Variants in GRIK2 observed in about 807,000 individuals in gnomAD.
GRIK2 encodes the protein glutamate ionotropic receptor kainate type subunit 2, also known as glutamate receptor ionotropic, kainate 2.
A neutral mutation model predicts 100.3 loss-of-function variants in GRIK2; 32 were observed. The observed-to-expected ratio is 0.32, with a 90% confidence interval of 0.24 to 0.43. The LOEUF (loss-of-function observed/expected upper bound fraction) is 0.43, where lower values mean the gene tolerates loss of function less well. Among genes scored for constraint, GRIK2 ranks in the 20% least tolerant of loss-of-function variants. The pLI is 1.00. For synonymous variants in GRIK2, 417 were observed against 389.4 expected, an observed-to-expected ratio of 1.07 and a Z score of -0.83; for missense variants, 843 against 1,114.9, an observed-to-expected ratio of 0.76 and a Z score of 3.47.
chr6:101,615,776 C>T (rs186302382), intron 2 of GRIK2, among the ~76,000 whole-genome samples: 92 of 151,798 alleles, frequency 6.1e-4, no homozygotes, highest in African/African-American at 1.7e-3. Context: ...AACAATTATC[C>T]TTTTGCAGGC....
At chr6:101,599,786 T>A (rs1317191412) in intron 2 of GRIK2, among the ~76,000 whole-genome samples, 1 of 151,768 alleles carries the variant, frequency 6.6e-6, no homozygotes, top group African/African-American at 2.4e-5. Flanking sequence ...AGGCTTCTTA[T>A]AGATTTTGGA....
At chr6:101,964,952 G>A (rs1027685951) in intron 14 of GRIK2, among the ~76,000 whole-genome samples, 2 of 151,552 alleles carry the variant, frequency 1.3e-5, no homozygotes, top group Admixed American at 1.3e-4. Context: ...TTAAGTTTGC[G>A]GGAAAATACC....
intron 2 of GRIK2, among the ~76,000 whole-genome samples, chr6:101,574,608 T>G (rs1375773502): frequency 1.3e-5 from 2 of 151,488 alleles, no homozygotes; most frequent in Non-Finnish European, 3.0e-5. Flanking sequence ...TTCTCATCTC[T>G]GTGTTTTCGG....
chr6:101,466,661 C>A (rs1316238960), intron 2 of GRIK2, among the ~76,000 whole-genome samples: 1 of 150,276 alleles, frequency 6.7e-6, no homozygotes, highest in Non-Finnish European at 1.5e-5. Context: ...TTCATTCATT[C>A]TTTTTTCAGG....
chr6:101,431,849 A>G (rs528934607), intron 2 of GRIK2, among the ~76,000 whole-genome samples: 62 of 152,286 alleles, frequency 4.1e-4, no homozygotes, highest in Admixed American at 1.5e-3. Context: ...CCATGATAAC[A>G]TCACCCATTT....
intron 4 of GRIK2, among the ~76,000 whole-genome samples, chr6:101,655,678 A>G (rs1018672327): frequency 2.6e-5 from 4 of 152,300 alleles, no homozygotes; most frequent in Admixed American, 6.5e-5. Context: ...GTAGAATAAA[A>G]CACAATGGAC....
intron 2 of GRIK2, chr6:101,431,191 G>C (rs1023565580): frequency 9.6e-6 from 2 of 209,104 alleles, no homozygotes; most frequent in Admixed American, 9.9e-5. Context: ...TCATTGCAGA[G>C]GGTATGATGC....
At position 101,910,769 on chromosome 6, in the gene GRIK2, T is replaced by C. The variant is rs1470893615; in HGVS notation, c.1749-13832T>C. Among the ~76,000 whole-genome samples the C allele has an allele frequency of 2.7e-5, 4 of 150,088 alleles. 1 individual carries two copies. Among genetic ancestry groups the C allele is most frequent in the East Asian group, 2.0e-4 (1 of 5,090 alleles). ...ATCATTAGAGAGCTACAGAATGCCA[T>C]AGAAATTACAGGAAAAGAATTAGGT... On this transcript the variant is annotated intron_variant, in intron 12 of 16. Coordinates refer to ENST00000369134, the MANE Select transcript of GRIK2 (RefSeq NM_021956.5).
chr6:101,815,658 C>A (rs1781589528), intron 9 of GRIK2, among the ~76,000 whole-genome samples: 2 of 151,502 alleles, frequency 1.3e-5, no homozygotes, highest in Non-Finnish European at 2.9e-5. Flanking sequence ...TTGATCAAGT[C>A]ATATGACAAA....
intron 4 of GRIK2, among the ~76,000 whole-genome samples, chr6:101,667,301 G>A (rs1770101470): frequency 6.6e-6 from 1 of 152,092 alleles, no homozygotes. Flanking sequence ...TTTACAAATG[G>A]GAGTGGAGTA....
chr6:101,667,544 C>T (rs1292282097), intron 4 of GRIK2, among the ~76,000 whole-genome samples: 1 of 152,052 alleles, frequency 6.6e-6, no homozygotes, highest in Non-Finnish European at 1.5e-5. Context: ...TAAATTTGTA[C>T]ACTTTTAAAA....
intron 2 of GRIK2, among the ~76,000 whole-genome samples, chr6:101,488,896 T>C (rs1396908936): frequency 6.8e-6 from 1 of 146,408 alleles, no homozygotes; most frequent in Non-Finnish European, 1.5e-5. Context: ...GTTTTCTTTA[T>C]AATTCTGAGG....
intron 9 of GRIK2, among the ~76,000 whole-genome samples, chr6:101,804,307 AT>A (rs1192286203): frequency 6.6e-6 from 1 of 151,992 alleles, no homozygotes; most frequent in Non-Finnish European, 1.5e-5. Flanking sequence ...AAAATGCTAG[AT>A]TTTAGTCATA....
In GRIK2 at chr6:101,548,596, G is replaced by A. The variant is rs115169662; in HGVS notation, c.116-73353G>A. Among the ~76,000 whole-genome samples the A allele has an allele frequency of 7.4e-3, 1,126 of 152,164 alleles. 17 individuals are homozygous for A. Among genetic ancestry groups the A allele is most frequent in the African/African-American group, 0.026 (1,067 of 41,514 alleles). ...ATAGGGAATCCTTTCCTCGTTTCTC[G>A]TTTTTGTCAGGTTTGCCAAAGATCA... is the stretch of plus-strand genomic sequence containing the variant. On this transcript the variant is annotated intron_variant, in intron 2 of 16. Transcript: ENST00000369134.
chr6:101,760,116 G>A (rs1323694887), intron 7 of GRIK2, among the ~76,000 whole-genome samples: 2 of 147,688 alleles, frequency 1.4e-5, no homozygotes, highest in Admixed American at 6.8e-5. Context: ...TGATCCACCC[G>A]CCTCGGCCTC....
chr6:101,612,135 C>T (rs1209671496), intron 2 of GRIK2, among the ~76,000 whole-genome samples: 1 of 151,852 alleles, frequency 6.6e-6, no homozygotes, highest in Non-Finnish European at 1.5e-5. Context: ...CACTTGCCAA[C>T]TGTGTAACTG....
intron 7 of GRIK2, among the ~76,000 whole-genome samples, chr6:101,742,243 T>C (rs1451784990): frequency 6.6e-6 from 1 of 152,218 alleles, no homozygotes; most frequent in Non-Finnish European, 1.5e-5. Flanking sequence ...GTGACAAGTT[T>C]GCAGCAGAGA....
chr6:101,436,411 T>A (rs1467323603), intron 2 of GRIK2, among the ~76,000 whole-genome samples: 2 of 151,980 alleles, frequency 1.3e-5, no homozygotes, highest in Non-Finnish European at 2.9e-5. Flanking sequence ...GTTAAAAAAA[T>A]TTTTTTAGCT....
intron 7 of GRIK2, among the ~76,000 whole-genome samples, chr6:101,752,376 A>T (rs1776847351): frequency 1.3e-5 from 2 of 152,140 alleles, no homozygotes; most frequent in South Asian, 4.1e-4. Flanking sequence ...CTAAATTAGC[A>T]GTTTATCAAA....
Sources: allele counts gnomAD v4.1 joint callset (sites outside exome capture counted in the v4.1 genomes callset), GRCh38; gene constraint gnomAD v4.1.1; transcripts MANE v1.5; gene names NCBI Gene and HGNC (gene_info 2026-07-23, HGNC 2026-07-21).